Variants in NEK1 observed in about 807,000 individuals in gnomAD.
The protein encoded by NEK1 is NIMA related kinase 1, also known as serine/threonine-protein kinase Nek1.
Under a neutral mutation model 182.1 loss-of-function variants are expected in NEK1, and 137 were observed. The observed-to-expected ratio is 0.75, with a 90% CI of 0.65 to 0.87. The LOEUF (loss-of-function observed/expected upper bound fraction) is 0.87, where lower values mean the gene tolerates loss of function less well. Ranked by LOEUF, NEK1 falls within the 40% of genes least tolerant of loss-of-function variation. The pLI is 0.00. For missense variants in NEK1, 1,391 were observed against 1,494.4 expected (o/e 0.93, Z 1.14); for synonymous variants, 513 against 492.2 (o/e 1.04, Z -0.56).
intron 23 of NEK1, among the ~76,000 whole-genome samples, chr4:169,502,366 C>T (rs1752557419): frequency 6.6e-6 from 1 of 151,942 alleles, no homozygotes; most frequent in South Asian, 2.1e-4. Context: ...GGAGAGATTC[C>T]TCCCTAACTC....
intron 19 of NEK1, among the ~76,000 whole-genome samples, chr4:169,511,298 A>G (rs1199840113): frequency 3.3e-5 from 5 of 152,102 alleles, no homozygotes; most frequent in Admixed American, 3.3e-4. Flanking sequence ...TATATAGGTC[A>G]AAGAGTTGGG....
chr4:169,451,424 AC>A (rs2149467377), intron 27 of NEK1, among the ~76,000 whole-genome samples: 1 of 152,310 alleles, frequency 6.6e-6, no homozygotes, highest in South Asian at 2.1e-4. Context: ...AACAGAAATC[AC>A]AACAAACTGT....
At chr4:169,442,976 G>A (rs1167228278) in intron 27 of NEK1, among the ~76,000 whole-genome samples, 15 of 152,176 alleles carry the variant, frequency 9.9e-5, no homozygotes, top group Non-Finnish European at 2.1e-4. Context: ...ATTTGAGGCT[G>A]TAGTGAGCTA....
chr4:169,598,372 T>C (rs1769914259), intron 5 of NEK1, among the ~76,000 whole-genome samples: 2 of 151,842 alleles, frequency 1.3e-5, no homozygotes, highest in African/African-American at 4.8e-5. Context: ...AGAAATGTGA[T>C]AGGAATGTAG....
At chr4:169,591,143 C>T (rs1030743400) in intron 5 of NEK1, among the ~76,000 whole-genome samples, 9 of 145,284 alleles carry the variant, frequency 6.2e-5, no homozygotes, top group Admixed American at 5.4e-4. Context: ...TTTTCTATAA[C>T]GCCCCCCCCC....
rs571345706 is a variant in NEK1 at position 169,577,579 on chromosome 4, C to A, written c.869-500G>T. On this transcript the variant is annotated intron_variant, in intron 11 of 35. Coordinates refer to ENST00000507142, the MANE Select transcript of NEK1 (RefSeq NM_001199397.3). ...TCAGGAGATCTAGACCATGGTGAAA[C>A]CCTGTCTCTACTAAAAATACAAAAA... 1.4e-4 allele frequency among the ~76,000 whole-genome samples: 21 copies of A among 151,990 alleles called. No homozygotes were observed. The South Asian group carries it at 4.4e-3, about 32-fold the overall frequency.
rs565763927 is a variant in NEK1 at position 169,510,800 on chromosome 4, G to A, written c.1666-1948C>T. On this transcript the variant is annotated intron_variant, in intron 19 of 35. Coordinates refer to ENST00000507142, the MANE Select transcript of NEK1 (RefSeq NM_001199397.3). ...TGGCTACGACAACTACTTGTGGTCT[G>A]TAAACTGTACCATGATCTCACTCAT... Among the ~76,000 whole-genome samples, 103 of 152,068 alleles carry A rather than the reference G, an allele frequency of 6.8e-4. 1 individual carries two copies. Among genetic ancestry groups the A allele is most frequent in the African/African-American group, 2.4e-3 (100 of 41,400 alleles).
intron 28 of NEK1, among the ~76,000 whole-genome samples, chr4:169,434,046 CTG>C (rs1164502048): frequency 4.6e-5 from 7 of 151,932 alleles, no homozygotes; most frequent in Admixed American, 4.6e-4. Flanking sequence ...GAAGAATAGA[CTG>C]TGATATTACT....
intron 23 of NEK1, 174 bp downstream of exon 23, chr4:169,506,861 CGA>C (rs947795416): frequency 2.8e-6 from 1 of 354,244 alleles, no homozygotes; most frequent in Non-Finnish European, 5.0e-6. Flanking sequence ...TTCTTAAATG[CGA>C]GAGAGACAGA....
chr4:169,511,604 G>A (rs1215419584), intron 19 of NEK1, among the ~76,000 whole-genome samples: 1 of 152,062 alleles, frequency 6.6e-6, no homozygotes, highest in African/African-American at 2.4e-5. Context: ...ATCTTGCATA[G>A]CTACATTACA....
Position 169,537,901 on chromosome 4 carries a change from G to A in NEK1, c.1573C>T (p.Gln525Ter). The change falls in exon 19 of 36, where the codon CAG (glutamine) becomes TAG (stop). Residue 525 changes from glutamine (Q) to a stop codon, truncating the protein, a stop_gained. Transcript: ENST00000507142. LOFTEE classifies it high-confidence loss of function. ...KQANANRQKGQLAVERAKQVE... is the reference protein window; with the variant it reads ...KQANANRQKG The stretch of plus-strand genomic sequence containing the variant: ...TGTTTAGCTCTTTCTACAGCTAGCT[G>A]CCCTTTTTGCCTAATTTGGACAAAT... The A allele has an allele frequency of 6.3e-7, 1 of 1,597,812 alleles. No individual in the cohort carries two copies. Among genetic ancestry groups the A allele is most frequent in the Non-Finnish European group, 8.5e-7 (1 of 1,170,958 alleles).
At chr4:169,597,326 T>C (rs113916316) in intron 5 of NEK1, among the ~76,000 whole-genome samples, 1 of 152,264 alleles carries the variant, frequency 6.6e-6, no homozygotes, top group African/African-American at 2.4e-5. Context: ...TGTCTGTGCC[T>C]GGCCAGAAAT....
chr4:169,487,859 A>C (rs1028675653), intron 23 of NEK1, among the ~76,000 whole-genome samples: 1 of 151,166 alleles, frequency 6.6e-6, no homozygotes, highest in Non-Finnish European at 1.5e-5. Context: ...TGCCATTCTG[A>C]CTGATGTGAT....
chr4:169,569,352 T>C (rs1482444618), intron 12 of NEK1, among the ~76,000 whole-genome samples: 1 of 152,174 alleles, frequency 6.6e-6, no homozygotes, highest in Non-Finnish European at 1.5e-5. Flanking sequence ...ATGCATACAA[T>C]GTGTAATGAT....
rs1764496679 is a variant in NEK1 at position 169,570,208 on chromosome 4, T to G, written c.1020+6720A>C. On this transcript the variant is annotated intron_variant, in intron 12 of 35. Coordinates refer to ENST00000507142, the MANE Select transcript of NEK1 (RefSeq NM_001199397.3). Reference sequence around the variant, plus strand: ...GACCCCGTCTGGGAGGTGAGGAGCGTCTCTGCCTGGCCGCCCCGTCTGAGA... The same window carrying G: ...GACCCCGTCTGGGAGGTGAGGAGCGGCTCTGCCTGGCCGCCCCGTCTGAGA... Among the ~76,000 whole-genome samples the G allele has an allele frequency of 2.1e-5, 3 of 140,350 alleles. No individual in the cohort carries two copies. The South Asian group carries it at 7.0e-4, about 33-fold the overall frequency. 92.1% of individuals were successfully genotyped at this position (140,350 alleles called of 152,430 possible). A position where few individuals can be genotyped will look rare whatever the true frequency, so the allele number is the denominator to read the frequency against.
intron 27 of NEK1, among the ~76,000 whole-genome samples, chr4:169,453,948 A>T (rs1483996650): frequency 6.6e-6 from 1 of 152,162 alleles, no homozygotes; most frequent in African/African-American, 2.4e-5. Context: ...GGCTACAGTA[A>T]CCAAAACAGC....
At chr4:169,411,914 C>A (rs1314327908) in intron 31 of NEK1, among the ~76,000 whole-genome samples, 2 of 152,140 alleles carry the variant, frequency 1.3e-5, no homozygotes, top group Non-Finnish European at 2.9e-5. Flanking sequence ...TGAGGAATAC[C>A]TTCATACCTG....
chr4:169,518,090 C>A (rs1423557548), intron 19 of NEK1, among the ~76,000 whole-genome samples: 1 of 29,620 alleles, frequency 3.4e-5, no homozygotes, highest in Non-Finnish European at 5.3e-5. Flanking sequence ...GTACCAGTTC[C>A]TCCTTGTACC....
At chr4:169,452,913 C>T in intron 27 of NEK1, among the ~76,000 whole-genome samples, 1 of 152,150 alleles carries the variant, frequency 6.6e-6, no homozygotes, top group East Asian at 1.9e-4. Flanking sequence ...ATTTAAAACC[C>T]TATCGTCTCA....
Sources: allele counts gnomAD v4.1 joint callset (sites outside exome capture counted in the v4.1 genomes callset), GRCh38; gene constraint gnomAD v4.1.1; transcripts MANE v1.5; gene names NCBI Gene and HGNC (gene_info 2026-07-23, HGNC 2026-07-21).